STS: variants seen among roughly 807,000 people sequenced by gnomAD.
STS encodes the protein steroid sulfatase.
In STS, 7 loss-of-function variants were observed where a neutral mutation model predicts 26.8. That is an observed-to-expected ratio of 0.26 (90% CI 0.15 to 0.49). The LOEUF is 0.49. Among genes scored for constraint, STS ranks in the 20% least tolerant of loss-of-function variants. STS has a pLI of 0.98. For synonymous variants in STS, 199 were observed against 189.4 expected (o/e 1.05, Z -0.42); for missense variants, 434 against 465.6 (o/e 0.93, Z 0.63).
chrX:7,332,699 T>C (rs1601754665), intron 9 of STS, among the ~76,000 whole-genome samples: 1 of 111,132 alleles, frequency 9.0e-6, no homozygotes, highest in Non-Finnish European at 1.9e-5. Flanking sequence ...CCTGAGTCTT[T>C]CTTGAAAGGA....
At chrX:7,303,138 T>C (rs771317349) in intron 7 of STS, among the ~76,000 whole-genome samples, 1 of 110,774 alleles carries the variant, frequency 9.0e-6, no homozygotes, top group East Asian at 2.9e-4. Flanking sequence ...TGGGGGAGAT[T>C]TTCCCCCATA....
At position 7,172,008 on chromosome X, in the gene STS, A is replaced by G. The variant is rs912216672; in HGVS notation, c.-133-18872A>G. Among the ~76,000 whole-genome samples, 13 of 112,112 alleles carry G rather than the reference A, an allele frequency of 1.2e-4. No homozygotes were observed. In the East Asian group the frequency reaches 3.6e-3, roughly 31 times the overall value. On this transcript the variant is annotated intron_variant, in intron 1 of 10. Transcript: ENST00000674429. ...ATTACCAAGTTGCGCGATCATCACCATAAATGAGTTTGGGAATATTCTCAT... is the reference window on the plus strand; with the variant it reads ...ATTACCAAGTTGCGCGATCATCACCGTAAATGAGTTTGGGAATATTCTCAT...
At chrX:7,344,004 A>T (rs1439203502) in intron 10 of STS, among the ~76,000 whole-genome samples, 6 of 111,921 alleles carry the variant, frequency 5.4e-5, no homozygotes, top group African/African-American at 2.0e-4. Flanking sequence ...CTGTTCATTC[A>T]TTCATGCAGT....
intron 1 of STS, among the ~76,000 whole-genome samples, chrX:7,168,781 A>C (rs1354136703): frequency 9.0e-6 from 1 of 111,635 alleles, no homozygotes; most frequent in African/African-American, 3.3e-5. Flanking sequence ...GAAGAACAGC[A>C]CAGATGCCTG....
intron 7 of STS, among the ~76,000 whole-genome samples, chrX:7,282,406 G>T (rs966536240): frequency 8.9e-6 from 1 of 111,901 alleles, no homozygotes; most frequent in Non-Finnish European, 1.9e-5. Flanking sequence ...TCACTATGTT[G>T]CCCAGGCTGG....
intron 1 of STS, among the ~76,000 whole-genome samples, chrX:7,170,617 T>G (rs573742299): frequency 1.8e-5 from 2 of 109,779 alleles, no homozygotes; most frequent in South Asian, 7.9e-4. Context: ...TACATTAAAT[T>G]AAATTTTAAA....
At chrX:7,205,148 G>A (rs1934182746) in intron 2 of STS, among the ~76,000 whole-genome samples, 1 of 112,085 alleles carries the variant, frequency 8.9e-6, no homozygotes, top group Non-Finnish European at 1.9e-5. Context: ...TTGGGCAATT[G>A]CACAATCATC....
chrX:7,174,145 C>A (rs1284894732), intron 1 of STS, among the ~76,000 whole-genome samples: 1 of 111,745 alleles, frequency 8.9e-6, no homozygotes, highest in Non-Finnish European at 1.9e-5. Context: ...AAAAAAGAAG[C>A]ATTGAAAGAA....
intron 1 of STS, among the ~76,000 whole-genome samples, chrX:7,149,678 C>T (rs1436268009): frequency 2.7e-5 from 3 of 111,827 alleles, no homozygotes; most frequent in Non-Finnish European, 5.6e-5. Flanking sequence ...TGTATTGTGT[C>T]ACAGATCTGG....
At chrX:7,203,830 G>A (rs181270897) in intron 2 of STS, among the ~76,000 whole-genome samples, 1 of 110,824 alleles carries the variant, frequency 9.0e-6, no homozygotes, top group African/African-American at 3.3e-5. Context: ...TGCTGCCCAG[G>A]GTGGAATACG....
At chrX:7,228,552 C>T (rs1248888973) in intron 2 of STS, among the ~76,000 whole-genome samples, 1 of 111,383 alleles carries the variant, frequency 9.0e-6, no homozygotes, top group African/African-American at 3.3e-5. Flanking sequence ...TAGTGAAGTC[C>T]TTTGGCCATT....
intron 2 of STS, among the ~76,000 whole-genome samples, chrX:7,206,575 A>G (rs1920951429): frequency 8.9e-6 from 1 of 112,157 alleles, no homozygotes; most frequent in African/African-American, 3.2e-5. Flanking sequence ...TGGCTATTTC[A>G]AATGATTCAT....
intron 2 of STS, among the ~76,000 whole-genome samples, chrX:7,203,688 C>T (rs1171951048): frequency 9.0e-6 from 1 of 110,776 alleles, no homozygotes; most frequent in Admixed American, 9.6e-5. Context: ...CAAACTAATC[C>T]CAAATAAAAT....
chrX:7,149,248 CAA>C (rs755639413), intron 1 of STS, among the ~76,000 whole-genome samples: 1 of 91,200 alleles, frequency 1.1e-5, no homozygotes. Flanking sequence ...GGGAAAAAGA[CAA>C]AAAAAAAAAG....
At chrX:7,323,125 A>C (rs777430753) in intron 8 of STS, among the ~76,000 whole-genome samples, 51 of 112,177 alleles carry the variant, frequency 4.5e-4, no homozygotes, top group South Asian at 4.1e-3. Flanking sequence ...TATGAGATAC[A>C]GAAAGCTGAA....
chrX:7,335,318 T>C (rs1389318613), intron 10 of STS, among the ~76,000 whole-genome samples: 1 of 112,525 alleles, frequency 8.9e-6, no homozygotes, highest in Non-Finnish European at 1.9e-5. Flanking sequence ...TGTGAGATGG[T>C]ATCTCATTGT....
At chrX:7,200,954 G>GTGGATGGATGGA (rs201826140) in intron 2 of STS, among the ~76,000 whole-genome samples, 25 of 107,468 alleles carry the variant, frequency 2.3e-4, no homozygotes, top group African/African-American at 7.1e-4. Flanking sequence ...GGTTAGATGG[G>GTGGATGGATGGA]TGGATGGATG....
chrX:7,188,750 G>A (rs1359965137), intron 1 of STS, among the ~76,000 whole-genome samples: 1 of 111,539 alleles, frequency 9.0e-6, no homozygotes, highest in Non-Finnish European at 1.9e-5. Context: ...TAAATAAAAG[G>A]TGGGGACAAA....
intron 2 of STS, among the ~76,000 whole-genome samples, chrX:7,240,493 ATGTGTGTGTGTGTGTGTGTGTGTG>A (rs374194610): frequency 0.054 from 3,908 of 72,666 alleles, 244 homozygotes; most frequent in African/African-American, 0.2. Context: ...ACAGATATGT[ATGTGTGTGTGTGTGTGTGTGTGTG>A]TGTGTGTGTG....
Sources: allele counts gnomAD v4.1 joint callset (sites outside exome capture counted in the v4.1 genomes callset), GRCh38; gene constraint gnomAD v4.1.1; transcripts MANE v1.5; gene names NCBI Gene and HGNC (gene_info 2026-07-23, HGNC 2026-07-21).